FMN1: variants seen among roughly 807,000 people sequenced by gnomAD.
The protein encoded by FMN1 is formin-1.
Under a neutral mutation model 132.4 loss-of-function variants are expected in FMN1, and 110 were observed. That is an observed-to-expected ratio of 0.83 (90% CI 0.71 to 0.97). The LOEUF (loss-of-function observed/expected upper bound fraction) is 0.97, where lower values mean the gene tolerates loss of function less well. Ranked by LOEUF, FMN1 falls within the 50% of genes least tolerant of loss-of-function variation. The pLI is 0.00. For synonymous variants in FMN1, 722 were observed against 651.7 expected (o/e 1.11, Z -1.64); for missense variants, 1,792 against 1,705.3 (o/e 1.05, Z -0.90).
At chr15:33,127,925 TAGA>T (rs529951776) in intron 4 of FMN1, among the ~76,000 whole-genome samples, 1,717 of 134,346 alleles carry the variant, frequency 0.013, 11 homozygotes, top group Middle Eastern at 0.019. Flanking sequence ...CAGATGGAAA[TAGA>T]AGAAGAGGCA....
intron 7 of FMN1, among the ~76,000 whole-genome samples, chr15:32,981,518 A>AAAT (rs34776483): frequency 0.048 from 6,771 of 140,524 alleles, 212 homozygotes; most frequent in African/African-American, 0.087. Context: ...ACTCCATCTC[A>AAAT]AATAATAATA....
chr15:32,811,572 T>C (rs1033307577), intron 17 of FMN1, among the ~76,000 whole-genome samples: 15 of 152,046 alleles, frequency 9.9e-5, no homozygotes, highest in African/African-American at 2.6e-4. Context: ...AGTCTTCAAA[T>C]GGTCATCTAG....
At chr15:33,056,178 C>A (rs1027017680) in intron 6 of FMN1, among the ~76,000 whole-genome samples, 2 of 152,198 alleles carry the variant, frequency 1.3e-5, no homozygotes, top group African/African-American at 4.8e-5. Context: ...TGCCCTATTA[C>A]CAGCAATTCT....
At chr15:33,113,142 G>GT (rs1232796777) in intron 4 of FMN1, among the ~76,000 whole-genome samples, 1 of 152,134 alleles carries the variant, frequency 6.6e-6, no homozygotes, top group Non-Finnish European at 1.5e-5. Context: ...GCATTTATTG[G>GT]TGTAATTTGG....
rs2060309676 is a variant in FMN1, at chr15:32,902,012, T to G, written c.3406A>C (p.Asn1136His). The G allele has an allele frequency of 1.2e-6, 2 of 1,613,046 alleles. No homozygotes were observed. Among genetic ancestry groups the G allele is most frequent in the Non-Finnish European group, 1.7e-6 (2 of 1,179,398 alleles). ...QFLHELAQIP[N>H]FAERAQCIIF... ...ATGCACTGGGCACGTTCAGCAAAAT[T>G]AGGAATCTGGGCTAACTCATGTAAA... Residue 1136 changes from asparagine (N) to histidine (H), a missense_variant, in exon 13 of 21, where the codon AAT becomes CAT. Physicochemically the swap from Asn to His is moderately conservative, Grantham distance 68 (BLOSUM62 1). Around this residue, in one of 3 missense-constraint regions of FMN1, gnomAD observed 1,150 missense variants for 1,043.1 expected, o/e 1.10. Coordinates refer to ENST00000616417, the MANE Select transcript of FMN1 (RefSeq NM_001277313.2).
At chr15:32,999,152 G>A (rs1248120396) in intron 7 of FMN1, among the ~76,000 whole-genome samples, 1 of 152,058 alleles carries the variant, frequency 6.6e-6, no homozygotes, top group African/African-American at 2.4e-5. Context: ...ATACCATAAG[G>A]GTTTTATGAA....
chr15:33,125,061 C>T (rs963286661), intron 4 of FMN1, among the ~76,000 whole-genome samples: 2 of 152,068 alleles, frequency 1.3e-5, no homozygotes, highest in African/African-American at 4.8e-5. Context: ...CAATTTAAAG[C>T]GACTGAGTTT....
chr15:33,180,766 T>TTTA (rs1481920559), intron 2 of FMN1, among the ~76,000 whole-genome samples: 4 of 147,790 alleles, frequency 2.7e-5, no homozygotes, highest in South Asian at 2.1e-4. Flanking sequence ...TTTTTTTTTT[T>TTTA]AAGACAGAGT....
intron 9 of FMN1, among the ~76,000 whole-genome samples, chr15:32,930,264 G>A (rs1265386884): frequency 1.3e-5 from 2 of 151,988 alleles, no homozygotes; most frequent in Non-Finnish European, 2.9e-5. Flanking sequence ...TGGGATTACA[G>A]GCGTGAGCCA....
At chr15:33,116,213 T>G (rs902342292) in intron 4 of FMN1, among the ~76,000 whole-genome samples, 1 of 152,014 alleles carries the variant, frequency 6.6e-6, no homozygotes, top group Non-Finnish European at 1.5e-5. Context: ...ACTTTTTCAC[T>G]GGGATTGACC....
intron 17 of FMN1, among the ~76,000 whole-genome samples, chr15:32,851,960 G>A (rs895070005): frequency 2.0e-5 from 3 of 152,194 alleles, no homozygotes; most frequent in African/African-American, 7.2e-5. Flanking sequence ...AAAACACTCT[G>A]TATAAGCTGT....
chr15:32,833,588 A>C (rs1172898353), intron 17 of FMN1, among the ~76,000 whole-genome samples: 1 of 152,220 alleles, frequency 6.6e-6, no homozygotes, highest in Non-Finnish European at 1.5e-5. Flanking sequence ...ACTTTGTTTT[A>C]TGGTTTAATG....
chr15:33,128,496 TCA>T (rs888239068), intron 4 of FMN1, among the ~76,000 whole-genome samples: 3 of 152,218 alleles, frequency 2.0e-5, no homozygotes, highest in Admixed American at 6.5e-5. Flanking sequence ...ATGCAAGTTC[TCA>T]GAGTCATTAC....
rs570547895 is a variant in FMN1, at chr15:33,014,282, C to A, written c.2162-6207G>T. Reference sequence around the variant, plus strand: ...TCTTGTTAGTGGCAGCCCCCTGCCCCCAGATGCTTCTTGAGGCTTGCAGAT... The same window carrying A: ...TCTTGTTAGTGGCAGCCCCCTGCCCACAGATGCTTCTTGAGGCTTGCAGAT... On this transcript the variant is annotated intron_variant, in intron 6 of 20. Coordinates refer to ENST00000616417, the MANE Select transcript of FMN1 (RefSeq NM_001277313.2). 2.6e-5 allele frequency among the ~76,000 whole-genome samples: 4 copies of A among 152,316 alleles called. No individual in the cohort carries two copies. The South Asian group carries it at 8.3e-4, about 32-fold the overall frequency.
At chr15:32,878,203 T>C (rs2059682969) in intron 16 of FMN1, among the ~76,000 whole-genome samples, 1 of 152,154 alleles carries the variant, frequency 6.6e-6, no homozygotes, top group African/African-American at 2.4e-5. Flanking sequence ...AACAAGTACA[T>C]CGTGTTGGAA....
intron 17 of FMN1, among the ~76,000 whole-genome samples, chr15:32,822,640 T>G (rs1283866617): frequency 2.0e-5 from 3 of 152,220 alleles, no homozygotes; most frequent in Admixed American, 6.5e-5. Context: ...ACATTTATTT[T>G]TCATTGCCTC....
At chr15:32,808,124 C>G (rs764113810) in intron 17 of FMN1, among the ~76,000 whole-genome samples, 1 of 152,232 alleles carries the variant, frequency 6.6e-6, no homozygotes, top group Non-Finnish European at 1.5e-5. Flanking sequence ...CTAGTTCTAG[C>G]TTTTCAATAC....
In FMN1 at chr15:32,867,639, G is replaced by A. The variant is rs190694091; in HGVS notation, c.3836-10532C>T. Among the ~76,000 whole-genome samples the A allele has an allele frequency of 2.3e-4, 35 of 151,360 alleles. No individual in the cohort carries two copies. The East Asian group carries it at 6.7e-3, about 29-fold the overall frequency. On this transcript the variant is annotated intron_variant, in intron 16 of 20. Coordinates refer to ENST00000616417, the MANE Select transcript of FMN1 (RefSeq NM_001277313.2). The stretch of plus-strand genomic sequence containing the variant: ...CTCCTGCCTCAGCCCCCTGCCCCCC[G>A]CTCCCTGTGCAAAGGCTAATTTTTT...
At chr15:32,961,623 G>C (rs182156860) in intron 9 of FMN1, among the ~76,000 whole-genome samples, 1 of 152,320 alleles carries the variant, frequency 6.6e-6, no homozygotes, top group African/African-American at 2.4e-5. Flanking sequence ...AGCCGTAGTA[G>C]TAACAGTAGC....
Sources: gnomAD v4.1 joint callset for allele counts (sites outside exome capture counted in the v4.1 genomes callset) on GRCh38, gnomAD v4.1.1 for gene constraint, gnomAD v4.1.1 regional missense constraint, MANE v1.5 for transcripts, NCBI Gene and HGNC (gene_info 2026-07-23, HGNC 2026-07-21) for gene names.